Variants in PCDHA6 observed in about 807,000 individuals in gnomAD.
PCDHA6 encodes protocadherin alpha-6.
Under a neutral mutation model 60.3 loss-of-function variants are expected in PCDHA6, and 55 were observed. That is an observed-to-expected ratio of 0.91 (90% CI 0.73 to 1.14). PCDHA6 has a LOEUF of 1.14. PCDHA6 is among the 50% of genes most tolerant of loss of function. The pLI, the probability that PCDHA6 is intolerant of heterozygous loss-of-function variation, is 0.00. For synonymous variants in PCDHA6, 652 were observed against 557.9 expected (o/e 1.17, Z -2.38); for missense variants, 1,327 against 1,256.5 (o/e 1.06, Z -0.85).
intron 1 of PCDHA6, chr5:140,835,064 A>G (rs2150230368): frequency 1.6e-6 from 2 of 1,216,012 alleles, no homozygotes; most frequent in East Asian, 2.6e-5. Flanking sequence ...GCACCGTTCA[A>G]TTACTCATCA....
intron 1 of PCDHA6, chr5:140,871,446 A>C (rs1554165605): frequency 6.2e-7 from 1 of 1,610,058 alleles, no homozygotes; most frequent in Non-Finnish European, 8.5e-7. Context: ...GTCTGAATAA[A>C]GAGGAGGAAG....
At chr5:140,989,413 T>G (rs1234033175) in intron 3 of PCDHA6, among the ~76,000 whole-genome samples, 3 of 152,172 alleles carry the variant, frequency 2.0e-5, no homozygotes, top group Non-Finnish European at 4.4e-5. Context: ...GAGTCTGCAC[T>G]TCACTCTGTG....
intron 1 of PCDHA6, chr5:140,875,556 C>G (rs781896642): frequency 6.2e-7 from 1 of 1,614,128 alleles, no homozygotes; most frequent in East Asian, 2.2e-5. Flanking sequence ...AGGTGGGGAG[C>G]GGCCAGCTCC....
intron 1 of PCDHA6, among the ~76,000 whole-genome samples, chr5:140,891,891 A>G (rs1278331991): frequency 5.9e-5 from 9 of 152,214 alleles, no homozygotes; most frequent in Admixed American, 5.9e-4. Flanking sequence ...GTGACGATGC[A>G]GCAAGAAGAT....
At chr5:140,867,070 CA>C (rs1214152735) in intron 1 of PCDHA6, 1 of 152,124 alleles carries the variant, frequency 6.6e-6, no homozygotes, top group Non-Finnish European at 1.5e-5. Flanking sequence ...TATATATTCA[CA>C]AAATACTGTA....
intron 1 of PCDHA6, among the ~76,000 whole-genome samples, chr5:140,914,270 ATATATT>A (rs1554196274): frequency 6.6e-6 from 1 of 152,146 alleles, no homozygotes; most frequent in Non-Finnish European, 1.5e-5. Context: ...GTGGGTGCAT[ATATATT>A]TATAATTGTT....
intron 1 of PCDHA6, among the ~76,000 whole-genome samples, chr5:140,892,143 C>T (rs983937899): frequency 3.3e-5 from 5 of 152,262 alleles, no homozygotes; most frequent in African/African-American, 9.6e-5. Flanking sequence ...ATGGTTTTAG[C>T]GTCTATTTCT....
chr5:140,952,798 G>A (rs1554220633), intron 1 of PCDHA6, among the ~76,000 whole-genome samples: 1 of 152,138 alleles, frequency 6.6e-6, no homozygotes, highest in Non-Finnish European at 1.5e-5. Flanking sequence ...TAACTGGCTC[G>A]CAGTTCTGCA....
intron 1 of PCDHA6, chr5:140,884,436 G>A (rs782218831): frequency 6.2e-7 from 1 of 1,613,888 alleles, no homozygotes; most frequent in East Asian, 2.2e-5. Flanking sequence ...GCGCTGCGGT[G>A]CTCGGCACCG....
chr5:140,967,555 C>T, intron 1 of PCDHA6: 4 of 1,614,008 alleles, frequency 2.5e-6, no homozygotes, highest in Non-Finnish European at 3.4e-6. Flanking sequence ...CCACTTATCG[C>T]GTCCAGCTAC....
chr5:140,829,680 T>G lies in PCDHA6; in HGVS notation c.1589T>G (p.Leu530Arg). 6.2e-7 allele frequency: 1 copy of G among 1,613,216 alleles called. No homozygotes were observed. Among genetic ancestry groups the G allele is most frequent in the Non-Finnish European group, 8.5e-7 (1 of 1,179,862 alleles). The change falls in exon 1 of 4, where the codon CTG becomes CGG. Residue 530 changes from leucine (L) to arginine (R), a missense_variant. Leu to Arg is a moderately radical substitution (Grantham distance 102, BLOSUM62 -2). Transcript: ENST00000529310. ...LQPLDHEELE[L>R]LQFQVSARDA... is the part of the protein sequence containing the mutation. The stretch of plus-strand genomic sequence containing the variant: ...CCGCTGGACCACGAGGAGCTAGAGC[T>G]GCTGCAGTTTCAGGTGAGCGCGCGC...
At chr5:140,841,101 C>T (rs1282601439) in intron 1 of PCDHA6, 2 of 575,780 alleles carry the variant, frequency 3.5e-6, no homozygotes, top group East Asian at 3.0e-5. Context: ...CCAGATATTG[C>T]GGAAGTAATT....
At chr5:140,978,897 G>A in intron 1 of PCDHA6, 52 bp from the exon 2 acceptor site, 2 of 1,612,776 alleles carry the variant, frequency 1.2e-6, no homozygotes, top group South Asian at 1.1e-5. Flanking sequence ...AGCATTCCTG[G>A]GAGAACATTG....
chr5:141,007,524 C>T (rs2098334216), intron 3 of PCDHA6, among the ~76,000 whole-genome samples: 1 of 151,984 alleles, frequency 6.6e-6, no homozygotes, highest in African/African-American at 2.4e-5. Context: ...GCTGATATCT[C>T]GCCACTGCAC....
At chr5:140,959,999 A>G (rs564390780) in intron 1 of PCDHA6, among the ~76,000 whole-genome samples, 2 of 152,318 alleles carry the variant, frequency 1.3e-5, no homozygotes, top group African/African-American at 4.8e-5. Flanking sequence ...ATGAAATACA[A>G]ATCTATTTTG....
chr5:140,955,001 A>G (rs551398126), intron 1 of PCDHA6, among the ~76,000 whole-genome samples: 101 of 152,200 alleles, frequency 6.6e-4, no homozygotes, highest in Middle Eastern at 6.8e-3. Flanking sequence ...TGGCTAGCCA[A>G]TTCTCCCAGC....
intron 1 of PCDHA6, among the ~76,000 whole-genome samples, chr5:140,919,697 A>G (rs1395748776): frequency 1.3e-5 from 2 of 152,188 alleles, no homozygotes; most frequent in Non-Finnish European, 2.9e-5. Flanking sequence ...GATTTATATT[A>G]ACTTAATTCT....
At chr5:140,908,668 A>C (rs2074091776) in intron 1 of PCDHA6, among the ~76,000 whole-genome samples, 1 of 152,194 alleles carries the variant, frequency 6.6e-6, no homozygotes, top group Non-Finnish European at 1.5e-5. Flanking sequence ...AAAGGCTCCA[A>C]ATAGCATCCC....
chr5:140,974,661 G>A (rs542677478), intron 1 of PCDHA6, among the ~76,000 whole-genome samples: 4 of 152,066 alleles, frequency 2.6e-5, no homozygotes, highest in South Asian at 4.2e-4. Context: ...ACAGGCATGC[G>A]CCACCATGCC....
Sources: gnomAD v4.1 joint callset for allele counts (sites outside exome capture counted in the v4.1 genomes callset) on GRCh38, gnomAD v4.1.1 for gene constraint, MANE v1.5 for transcripts, NCBI Gene and HGNC (gene_info 2026-07-23, HGNC 2026-07-21) for gene names.